OR1J2: variants seen among roughly 807,000 people sequenced by gnomAD.
The protein encoded by OR1J2 is olfactory receptor 1J2.
For synonymous variants in OR1J2, 142 were observed against 99.7 expected (o/e 1.42, Z -2.52); for missense variants, 304 against 246.1 (o/e 1.24, Z -1.57).
the OR1J2 span, among the ~76,000 whole-genome samples, chr9:122,500,854 A>G: frequency 2.0e-5 from 3 of 152,224 alleles, no homozygotes; most frequent in Non-Finnish European, 4.4e-5. Flanking sequence ...CTTTATGCAG[A>G]AAGATGTCTA....
chr9:122,469,141 C>T, the OR1J2 span, among the ~76,000 whole-genome samples: 1 of 152,204 alleles, frequency 6.6e-6, no homozygotes, highest in South Asian at 2.1e-4. Context: ...CTCGCTTGAG[C>T]CTGACTCCTT....
the OR1J2 span, among the ~76,000 whole-genome samples, chr9:122,572,090 C>T: frequency 3.9e-5 from 6 of 152,064 alleles, no homozygotes; most frequent in Non-Finnish European, 5.9e-5. Flanking sequence ...TGGGGGGAGG[C>T]GCTACACACT....
the OR1J2 span, chr9:122,475,293 G>T: frequency 6.6e-6 from 1 of 152,130 alleles, no homozygotes; most frequent in Admixed American, 6.5e-5. Flanking sequence ...TTATTTTATT[G>T]CCTCACCATG....
chr9:122,489,305 G>T, the OR1J2 span, among the ~76,000 whole-genome samples: 1 of 151,360 alleles, frequency 6.6e-6, no homozygotes, highest in African/African-American at 2.4e-5. Context: ...ATTTACACTC[G>T]CCAGACTACG....
the OR1J2 span, among the ~76,000 whole-genome samples, chr9:122,559,162 G>A: frequency 6.6e-6 from 1 of 151,972 alleles, no homozygotes; most frequent in African/African-American, 2.4e-5. Flanking sequence ...TCCTGTCTAA[G>A]TATAACATAG....
chr9:122,548,803 TTTGTTGTTG>T, the OR1J2 span, among the ~76,000 whole-genome samples: 10 of 140,188 alleles, frequency 7.1e-5, no homozygotes, highest in East Asian at 2.2e-4. Context: ...TCCTGTGTGT[TTTGTTGTTG>T]TTGTTGTTGT....
chr9:122,470,996 A>G, the OR1J2 span, among the ~76,000 whole-genome samples: 1 of 152,174 alleles, frequency 6.6e-6, no homozygotes, highest in Admixed American at 6.5e-5. Flanking sequence ...TCATAGGAGG[A>G]AGGGACTTGC....
At chr9:122,463,557 T>C in the OR1J2 span, among the ~76,000 whole-genome samples, 1 of 152,226 alleles carries the variant, frequency 6.6e-6, no homozygotes, top group African/African-American at 2.4e-5. Context: ...GGGTAGACTA[T>C]GTCAGAGGGA....
the OR1J2 span, among the ~76,000 whole-genome samples, chr9:122,562,700 C>A: frequency 6.6e-6 from 1 of 152,172 alleles, no homozygotes; most frequent in Non-Finnish European, 1.5e-5. Context: ...GCAGGGTTCG[C>A]ATGCTGTTTT....
chr9:122,505,630 C>A, the OR1J2 span, among the ~76,000 whole-genome samples: 2 of 152,242 alleles, frequency 1.3e-5, no homozygotes, highest in South Asian at 4.1e-4. Flanking sequence ...AATAAATCCT[C>A]AAACATTATT....
the OR1J2 span, among the ~76,000 whole-genome samples, chr9:122,531,868 A>C: frequency 0.8 from 121,286 of 152,028 alleles, 49,015 homozygotes; most frequent in East Asian, 1. Context: ...CCTTCTTAGA[A>C]CCTGTGGGAA....
At chr9:122,484,401 C>A in the OR1J2 span, among the ~76,000 whole-genome samples, 1 of 152,036 alleles carries the variant, frequency 6.6e-6, no homozygotes, top group Non-Finnish European at 1.5e-5. Flanking sequence ...ACCTTGTGAC[C>A]TGCCTGCCTC....
chr9:122,486,756 A>T, the OR1J2 span, among the ~76,000 whole-genome samples: 1 of 152,236 alleles, frequency 6.6e-6, no homozygotes, highest in Non-Finnish European at 1.5e-5. Context: ...CATCATGAAA[A>T]TGATGGGGAG....
At chr9:122,537,201 G>A in the OR1J2 span, among the ~76,000 whole-genome samples, 3 of 152,230 alleles carry the variant, frequency 2.0e-5, no homozygotes, top group African/African-American at 2.4e-5. Context: ...CAGGTGGTAC[G>A]TCACAGGGGC....
chr9:122,553,867 TCTC>T, the OR1J2 span: 4 of 1,613,978 alleles, frequency 2.5e-6, no homozygotes, highest in African/African-American at 2.7e-5. Context: ...CTGATCGTCT[TCTC>T]CTATGTCCGC....
chr9:122,567,616 A>G, the OR1J2 span: 9 of 1,613,302 alleles, frequency 5.6e-6, no homozygotes, highest in Non-Finnish European at 7.6e-6. Flanking sequence ...CTGTAGATAA[A>G]AGGATTGAGC....
the OR1J2 span, among the ~76,000 whole-genome samples, chr9:122,573,803 TAA>T: frequency 6.6e-6 from 1 of 152,220 alleles, no homozygotes; most frequent in Non-Finnish European, 1.5e-5. Context: ...GTGTTGTATC[TAA>T]AAAGTCATCT....
chr9:122,457,373 A>G, the OR1J2 span, among the ~76,000 whole-genome samples: 1 of 152,190 alleles, frequency 6.6e-6, no homozygotes, highest in Admixed American at 6.5e-5. Flanking sequence ...AACTTAAAAT[A>G]AGACAAAATT....
downstream of OR1J2, among the ~76,000 whole-genome samples, chr9:122,516,690 C>T (rs1828704398): frequency 6.6e-6 from 1 of 152,102 alleles, no homozygotes; most frequent in South Asian, 2.1e-4. Flanking sequence ...TCCTAAATCC[C>T]ATGGATTAAA....
Sources: allele counts gnomAD v4.1 joint callset (sites outside exome capture counted in the v4.1 genomes callset), GRCh38; gene constraint gnomAD v4.1.1; transcripts MANE v1.5; gene names NCBI Gene and HGNC (gene_info 2026-07-23, HGNC 2026-07-21).